FSHR: variants seen among roughly 807,000 people sequenced by gnomAD.
FSHR encodes follicle stimulating hormone receptor, also known as follicle-stimulating hormone receptor.
Under a neutral mutation model 52.1 loss-of-function variants are expected in FSHR, and 46 were observed. That is an observed-to-expected ratio of 0.88 (90% CI 0.70 to 1.13). The LOEUF (loss-of-function observed/expected upper bound fraction) is 1.13, where lower values mean the gene tolerates loss of function less well. Ranked by LOEUF, FSHR falls within the 50% of genes most tolerant of loss-of-function variation. FSHR has a pLI of 0.00. For missense variants in FSHR, 964 were observed against 834.6 expected (o/e 1.16, Z -1.91); for synonymous variants, 399 against 309.6 (o/e 1.29, Z -3.03).
intron 1 of FSHR, among the ~76,000 whole-genome samples, chr2:49,091,014 T>G (rs1181103617): frequency 6.6e-6 from 1 of 152,020 alleles, no homozygotes; most frequent in Non-Finnish European, 1.5e-5. Context: ...TAGATAGAAG[T>G]CCTTTTTTAG....
At chr2:49,062,084 T>A (rs1432494881) in intron 2 of FSHR, among the ~76,000 whole-genome samples, 1 of 151,794 alleles carries the variant, frequency 6.6e-6, no homozygotes, top group African/African-American at 2.4e-5. Flanking sequence ...TTACAGAACG[T>A]TTCATCCAAC....
intron 1 of FSHR, among the ~76,000 whole-genome samples, chr2:49,068,601 C>T (rs1669603454): frequency 6.6e-6 from 1 of 152,080 alleles, no homozygotes; most frequent in African/African-American, 2.4e-5. Flanking sequence ...TTGCCTTCTG[C>T]AGCCCTGTGT....
chr2:49,066,784 G>A (rs1213800616), intron 2 of FSHR, among the ~76,000 whole-genome samples: 3 of 152,092 alleles, frequency 2.0e-5, no homozygotes, highest in African/African-American at 7.2e-5. Flanking sequence ...CTTGATTAAA[G>A]TAGCTTATTT....
intron 1 of FSHR, among the ~76,000 whole-genome samples, chr2:49,079,860 AAATTT>A (rs1336565740): frequency 6.6e-6 from 1 of 152,182 alleles, no homozygotes; most frequent in Non-Finnish European, 1.5e-5. Flanking sequence ...AAAAATTAAT[AAATTT>A]AAGTACACTA....
At chr2:49,138,796 G>A (rs1232100019) in intron 1 of FSHR, among the ~76,000 whole-genome samples, 1 of 152,116 alleles carries the variant, frequency 6.6e-6, no homozygotes, top group African/African-American at 2.4e-5. Flanking sequence ...TATACTAAAA[G>A]CCATTCAAAT....
intron 2 of FSHR, among the ~76,000 whole-genome samples, chr2:49,049,824 A>AATATATATATATATATATAT (rs5831020): frequency 1.2e-4 from 18 of 144,902 alleles, no homozygotes; most frequent in African/African-American, 4.3e-4. Flanking sequence ...CCCCTACTCT[A>AATATATATATATATATATAT]ATATATATAT....
intron 1 of FSHR, among the ~76,000 whole-genome samples, chr2:49,075,164 G>A (rs1163820602): frequency 2.6e-5 from 4 of 152,022 alleles, no homozygotes; most frequent in Non-Finnish European, 5.9e-5. Context: ...ATATATAGTT[G>A]CAAATCATAA....
chr2:49,022,614 A>T (rs1211217050), intron 2 of FSHR, among the ~76,000 whole-genome samples: 1 of 152,192 alleles, frequency 6.6e-6, no homozygotes, highest in Non-Finnish European at 1.5e-5. Flanking sequence ...CCACATTAAT[A>T]AATGGTCCCA....
At chr2:49,121,530 A>G (rs971929653) in intron 1 of FSHR, among the ~76,000 whole-genome samples, 2 of 152,162 alleles carry the variant, frequency 1.3e-5, no homozygotes, top group Non-Finnish European at 2.9e-5. Context: ...TTAATTGTTT[A>G]TTAGGTGTCT....
intron 2 of FSHR, among the ~76,000 whole-genome samples, chr2:49,038,629 T>A (rs7604476): frequency 0.24 from 5,837 of 24,362 alleles, 538 homozygotes; most frequent in African/African-American, 0.4. Context: ...TGTCTCAAAA[T>A]AATAATAATA....
chr2:49,120,468 A>T (rs2103778074), intron 1 of FSHR, among the ~76,000 whole-genome samples: 1 of 152,314 alleles, frequency 6.6e-6, no homozygotes, highest in African/African-American at 2.4e-5. Context: ...GTTGGATGAC[A>T]CTTTAAAATA....
chr2:49,036,259 C>T (rs1014626030), intron 2 of FSHR, among the ~76,000 whole-genome samples: 3 of 151,934 alleles, frequency 2.0e-5, no homozygotes, highest in Non-Finnish European at 4.4e-5. Flanking sequence ...TATTTTTCTT[C>T]CTCTTTTGGG....
intron 1 of FSHR, among the ~76,000 whole-genome samples, chr2:49,107,275 A>G (rs1162881975): frequency 6.6e-6 from 1 of 150,618 alleles, no homozygotes; most frequent in African/African-American, 2.4e-5. Flanking sequence ...CCTAGTTCTC[A>G]TGGGGATTTC....
intron 1 of FSHR, among the ~76,000 whole-genome samples, chr2:49,072,768 G>T (rs992434273): frequency 1.3e-5 from 2 of 152,056 alleles, no homozygotes; most frequent in African/African-American, 4.8e-5. Context: ...GTAGCAAAAG[G>T]TTTACTAAAA....
At chr2:49,137,722 G>T (rs1283181022) in intron 1 of FSHR, among the ~76,000 whole-genome samples, 1 of 152,072 alleles carries the variant, frequency 6.6e-6, no homozygotes, top group African/African-American at 2.4e-5. Flanking sequence ...GGTCCCAATT[G>T]TTTAGTAAGG....
At chr2:49,056,029 A>G (rs991984171) in intron 2 of FSHR, among the ~76,000 whole-genome samples, 11 of 152,208 alleles carry the variant, frequency 7.2e-5, no homozygotes, top group African/African-American at 2.6e-4. Context: ...GCCTATCACT[A>G]CAGAAAACCA....
At chr2:49,025,909 C>T (rs111562778) in intron 2 of FSHR, among the ~76,000 whole-genome samples, 1,753 of 152,320 alleles carry the variant, frequency 0.012, 22 homozygotes, top group East Asian at 0.048. Context: ...GTCTCCACCA[C>T]TGAAATCATA....
chr2:49,094,026 G>A (rs888348107), intron 1 of FSHR, among the ~76,000 whole-genome samples: 7 of 152,048 alleles, frequency 4.6e-5, no homozygotes, highest in Non-Finnish European at 7.4e-5. Context: ...TAGGTCTATC[G>A]CTTTCTAATT....
intron 1 of FSHR, among the ~76,000 whole-genome samples, chr2:49,150,286 A>G (rs984300265): frequency 2.6e-5 from 4 of 152,046 alleles, no homozygotes; most frequent in Non-Finnish European, 4.4e-5. Context: ...AGTGCTAGAT[A>G]CCCTGGGAGG....
Sources: allele counts gnomAD v4.1 joint callset (sites outside exome capture counted in the v4.1 genomes callset), GRCh38; gene constraint gnomAD v4.1.1; transcripts MANE v1.5; gene names NCBI Gene and HGNC (gene_info 2026-07-23, HGNC 2026-07-21).